Variants in NR6A1 observed in about 807,000 individuals in gnomAD.
NR6A1 encodes the protein nuclear receptor subfamily 6 group A member 1.
Under a neutral mutation model 59.1 loss-of-function variants are expected in NR6A1, and 7 were observed. The ratio of observed to expected loss-of-function variants is 0.12; its 90% CI spans 0.07 to 0.22. The LOEUF (loss-of-function observed/expected upper bound fraction) is 0.22, where lower values mean the gene tolerates loss of function less well. NR6A1 is among the 10% of genes least tolerant of loss of function. The pLI is 1.00. For synonymous variants in NR6A1, 243 were observed against 236.1 expected, an observed-to-expected ratio of 1.03 and a Z score of -0.27; for missense variants, 468 against 611.6, an observed-to-expected ratio of 0.77 and a Z score of 2.48.
At chr9:124,759,036 T>C (rs559546241) in intron 1 of NR6A1, among the ~76,000 whole-genome samples, 118 of 152,306 alleles carry the variant, frequency 7.7e-4, no homozygotes, top group African/African-American at 2.1e-3. Flanking sequence ...CTGGGCCTCA[T>C]AACTCCTCAA....
intron 2 of NR6A1, among the ~76,000 whole-genome samples, chr9:124,662,473 G>GCT (rs1310846044): frequency 1.3e-5 from 2 of 152,024 alleles, no homozygotes; most frequent in African/African-American, 2.4e-5. Context: ...ATATAGAACG[G>GCT]CTCGCAGTGA....
chr9:124,599,675 G>C, intron 2 of NR6A1: 1 of 969,316 alleles, frequency 1.0e-6, no homozygotes, highest in South Asian at 1.7e-5. Flanking sequence ...TCTGCGTCTG[G>C]CCATGAAGTC....
chr9:124,525,284 A>AACAGACACAC (rs1832900338), intron 8 of NR6A1, among the ~76,000 whole-genome samples: 1 of 137,304 alleles, frequency 7.3e-6, no homozygotes, highest in Non-Finnish European at 1.6e-5. Flanking sequence ...ATGCTTGTAA[A>AACAGACACAC]ACACACACAC....
chr9:124,733,581 G>A, intron 1 of NR6A1, among the ~76,000 whole-genome samples: 1 of 152,100 alleles, frequency 6.6e-6, no homozygotes, highest in African/African-American at 2.4e-5. Flanking sequence ...GATTAAACAA[G>A]TTACCAAAAT....
rs74734776 is a variant in NR6A1, at chr9:124,534,670, C to T, written c.1079+1208G>A. Among the ~76,000 whole-genome samples the T allele has an allele frequency of 3.3e-5, 5 of 152,158 alleles. No individual in the cohort carries two copies. In the South Asian group the frequency reaches 6.2e-4, roughly 19 times the overall value. ...CCACATCTCAGACGGAGTCAAAGAACCTAAGCTTTTCAGGCAGGCAGGCAT... is the reference window on the plus strand; with the variant it reads ...CCACATCTCAGACGGAGTCAAAGAATCTAAGCTTTTCAGGCAGGCAGGCAT... On this transcript the variant is annotated intron_variant, in intron 7 of 9. Transcript: ENST00000487099.
At chr9:124,710,806 G>A (rs1183606086) in intron 2 of NR6A1, among the ~76,000 whole-genome samples, 3 of 152,122 alleles carry the variant, frequency 2.0e-5, no homozygotes, top group Non-Finnish European at 4.4e-5. Flanking sequence ...AAGATCAGCT[G>A]GAAATCTTAC....
rs545927560 is a variant in NR6A1 at position 124,548,551 on chromosome 9, T to G, written c.386-4694A>C. 2.0e-5 allele frequency among the ~76,000 whole-genome samples: 3 copies of G among 152,334 alleles called. No individual in the cohort carries two copies. In the East Asian group the frequency reaches 5.8e-4, roughly 29 times the overall value. ...ATGTAAGAAATGTAAAAAAAATGTT[T>G]GTAAGGAACACGAACTTTGATTTCT... On this transcript the variant is annotated intron_variant, in intron 3 of 9. Transcript: ENST00000487099.
At chr9:124,583,520 T>C (rs757877877) in intron 2 of NR6A1, among the ~76,000 whole-genome samples, 1 of 152,162 alleles carries the variant, frequency 6.6e-6, no homozygotes, top group Non-Finnish European at 1.5e-5. Context: ...CTCTTCAACA[T>C]ATTCAGAAGA....
chr9:124,706,450 T>C (rs1321035981), intron 2 of NR6A1, among the ~76,000 whole-genome samples: 1 of 152,204 alleles, frequency 6.6e-6, no homozygotes, highest in Non-Finnish European at 1.5e-5. Flanking sequence ...ATAAATTCTG[T>C]CTTTTTAATG....
At chr9:124,586,874 C>T (rs1834952523) in intron 2 of NR6A1, among the ~76,000 whole-genome samples, 1 of 152,212 alleles carries the variant, frequency 6.6e-6, no homozygotes, top group South Asian at 2.1e-4. Context: ...TAGAATATTA[C>T]ATTAACTTCA....
chr9:124,699,562 T>C (rs1040339909), intron 2 of NR6A1, among the ~76,000 whole-genome samples: 19 of 152,214 alleles, frequency 1.2e-4, no homozygotes, highest in African/African-American at 4.3e-4. Context: ...TGAACTTAAA[T>C]CATTTTGTCA....
chr9:124,607,084 C>T (rs1196122711), intron 2 of NR6A1: 3 of 152,194 alleles, frequency 2.0e-5, no homozygotes, highest in Non-Finnish European at 4.4e-5. Flanking sequence ...CCTGGACATC[C>T]TGGAACTGCA....
chr9:124,545,107 C>T (rs190691542), intron 3 of NR6A1, among the ~76,000 whole-genome samples: 8 of 152,194 alleles, frequency 5.3e-5, no homozygotes, highest in African/African-American at 1.7e-4. Flanking sequence ...AACTAAAAGG[C>T]TGACAGGAAA....
chr9:124,612,046 T>C (rs903030273), intron 2 of NR6A1, among the ~76,000 whole-genome samples: 3 of 152,178 alleles, frequency 2.0e-5, no homozygotes, highest in Non-Finnish European at 4.4e-5. Context: ...CTAATATGTA[T>C]CTGATGAATA....
chr9:124,700,018 G>A (rs12553892), intron 2 of NR6A1, among the ~76,000 whole-genome samples: 1 of 151,834 alleles, frequency 6.6e-6, no homozygotes, highest in African/African-American at 2.4e-5. Context: ...CACCACACCC[G>A]CCTTTTTTTT....
chr9:124,756,489 T>C (rs1840634018), intron 1 of NR6A1, among the ~76,000 whole-genome samples: 1 of 152,236 alleles, frequency 6.6e-6, no homozygotes, highest in Admixed American at 6.5e-5. Context: ...AAATATGACT[T>C]ATGCTTTAAT....
At chr9:124,739,132 G>A (rs1212290263) in intron 1 of NR6A1, among the ~76,000 whole-genome samples, 1 of 150,368 alleles carries the variant, frequency 6.7e-6, no homozygotes, top group African/African-American at 2.5e-5. Context: ...AGGTTGCAGT[G>A]AGCCCAGATC....
intron 2 of NR6A1, among the ~76,000 whole-genome samples, chr9:124,660,509 A>G (rs1837397505): frequency 1.3e-5 from 2 of 152,124 alleles, no homozygotes. Flanking sequence ...TCCAGCCACC[A>G]TTCGCCCCAC....
At chr9:124,678,694 C>T (rs1044534075) in intron 2 of NR6A1, among the ~76,000 whole-genome samples, 4 of 152,204 alleles carry the variant, frequency 2.6e-5, no homozygotes, top group African/African-American at 9.6e-5. Flanking sequence ...TAAGGATCTG[C>T]TTCTAACAGT....
Sources: allele counts gnomAD v4.1 joint callset (sites outside exome capture counted in the v4.1 genomes callset), GRCh38; gene constraint gnomAD v4.1.1; transcripts MANE v1.5; gene names NCBI Gene and HGNC (gene_info 2026-07-23, HGNC 2026-07-21).